Variants in RPGRIP1L observed in about 807,000 individuals in gnomAD.
The protein encoded by RPGRIP1L is RPGRIP1 like, also known as protein fantom.
In RPGRIP1L, 131 loss-of-function variants were observed where a neutral mutation model predicts 160.4. The observed-to-expected ratio is 0.82, with a 90% CI of 0.71 to 0.94. The LOEUF (loss-of-function observed/expected upper bound fraction) is 0.94. RPGRIP1L is among the 40% of genes least tolerant of loss of function. RPGRIP1L has a pLI of 0.00. For missense variants in RPGRIP1L, 1,522 were observed against 1,535.8 expected, an observed-to-expected ratio of 0.99 and a Z score of 0.15; for synonymous variants, 510 against 515.8, an observed-to-expected ratio of 0.99 and a Z score of 0.15.
chr16:53,659,237 T>C, intron 10 of RPGRIP1L: 1 of 951,188 alleles, frequency 1.1e-6, no homozygotes. Flanking sequence ...CTGAAAAGCA[T>C]GTGGAAAAAA....
intron 22 of RPGRIP1L, among the ~76,000 whole-genome samples, chr16:53,627,704 A>G (rs185618453): frequency 2.0e-5 from 3 of 152,140 alleles, no homozygotes; most frequent in African/African-American, 7.2e-5. Flanking sequence ...TTGTGGTATC[A>G]TATTCTTATT....
At position 53,628,954 on chromosome 16, in the gene RPGRIP1L, A is replaced by C. The variant is rs557516100; in HGVS notation, c.3295-6598T>G. The C allele has an allele frequency of 2.0e-5, 3 of 152,248 alleles. No homozygotes were observed. The East Asian group carries it at 5.8e-4, about 29-fold the overall frequency. The allele number at this position is 152,248 out of a possible 1,614,324, so 9.4% of individuals were successfully genotyped here. ...CAAATAATTATGCCAAATAATTATA[A>C]ATTGGTATTATTTCATCACCATAGA... On this transcript the variant is annotated intron_variant, in intron 22 of 26. Transcript: ENST00000647211.
chr16:53,609,534 T>C (rs1046194628), intron 25 of RPGRIP1L, among the ~76,000 whole-genome samples: 1 of 152,178 alleles, frequency 6.6e-6, no homozygotes, highest in South Asian at 2.1e-4. Flanking sequence ...TCTCCCAATA[T>C]GATCTCACAT....
intron 16 of RPGRIP1L, among the ~76,000 whole-genome samples, chr16:53,648,010 C>T: frequency 7.0e-6 from 1 of 143,374 alleles, no homozygotes; most frequent in Non-Finnish European, 1.5e-5. Context: ...GAGGCTGAGG[C>T]AGGAGAATGC....
At chr16:53,669,747 A>G (rs974775481) in intron 9 of RPGRIP1L, among the ~76,000 whole-genome samples, 2 of 152,154 alleles carry the variant, frequency 1.3e-5, no homozygotes, top group African/African-American at 4.8e-5. Context: ...ACATATGTAA[A>G]TCAGTAAGAA....
intron 22 of RPGRIP1L, among the ~76,000 whole-genome samples, chr16:53,634,526 G>A (rs1234772536): frequency 2.0e-5 from 3 of 152,144 alleles, no homozygotes; most frequent in Non-Finnish European, 4.4e-5. Flanking sequence ...TGGCAGTGTG[G>A]GGAGGTGGAG....
At chr16:53,702,191 T>TA (rs1971465424) in intron 1 of RPGRIP1L, among the ~76,000 whole-genome samples, 1 of 152,196 alleles carries the variant, frequency 6.6e-6, no homozygotes, top group Non-Finnish European at 1.5e-5. Flanking sequence ...GTGAGGCTGT[T>TA]ACTCAAATGA....
chr16:53,663,661 A>G (rs1967999168), intron 10 of RPGRIP1L, among the ~76,000 whole-genome samples: 1 of 152,114 alleles, frequency 6.6e-6, no homozygotes, highest in African/African-American at 2.4e-5. Flanking sequence ...ACCAGGTCAG[A>G]AAACCTGTCA....
At chr16:53,697,880 CG>C (rs2151389297) in intron 2 of RPGRIP1L, among the ~76,000 whole-genome samples, 1 of 150,434 alleles carries the variant, frequency 6.6e-6, no homozygotes, top group Admixed American at 6.6e-5. Flanking sequence ...AAGTGAGGAG[CG>C]TCTCTGCCCG....
rs1273602078 is a variant in RPGRIP1L, at chr16:53,670,962, T to C, written c.1103+548A>G. ...AATTAAAAAAATTAGTCTGACATGG[T>C]GGCATGTGCCTGTGGTCCCAGTTGC... On this transcript the variant is annotated intron_variant, in intron 9 of 26. Transcript: ENST00000647211. 3.3e-5 allele frequency among the ~76,000 whole-genome samples: 5 copies of C among 152,158 alleles called. No homozygotes were observed. In the East Asian group the frequency reaches 9.7e-4, roughly 29 times the overall value.
At chr16:53,669,469 AAC>A (rs1279501167) in intron 9 of RPGRIP1L, among the ~76,000 whole-genome samples, 1 of 152,030 alleles carries the variant, frequency 6.6e-6, no homozygotes, top group East Asian at 1.9e-4. Flanking sequence ...GAAAAAAAAA[AAC>A]CCTTCAAATT....
At position 53,700,727 on chromosome 16, in the gene RPGRIP1L, C is replaced by T; in HGVS notation, c.-4G>A. ...TCTCATCAGTTGGACCAGACATGGC[C>T]TAGCTGTGGAAAAAAGAAAATTCAA... On this transcript the variant is annotated 5_prime_UTR_variant, in exon 2 of 27. Transcript: ENST00000647211. 6.2e-7 allele frequency: 1 copy of T among 1,611,204 alleles called. No homozygotes were observed. Among genetic ancestry groups the T allele is most frequent in the South Asian group, 1.1e-5 (1 of 90,606 alleles).
chr16:53,616,770 C>T (rs758256800), intron 24 of RPGRIP1L, among the ~76,000 whole-genome samples: 59 of 151,884 alleles, frequency 3.9e-4, no homozygotes, highest in Non-Finnish European at 6.6e-4. Context: ...AGGGAAAAAA[C>T]AAACCAAAAT....
At position 53,602,447 on chromosome 16, in the gene RPGRIP1L, C is replaced by T. The variant is rs189757086; in HGVS notation, c.3836-259G>A. Among the ~76,000 whole-genome samples the T allele has an allele frequency of 3.2e-4, 49 of 152,174 alleles. No individual in the cohort carries two copies. In the East Asian group the frequency reaches 8.1e-3, roughly 25 times the overall value. ...AATCCTGAAGTTTACCTAGTGAAAG[C>T]GTCTAGGATAATGACCCTCACACAC... On this transcript the variant is annotated intron_variant, in intron 26 of 26. Coordinates refer to ENST00000647211, the MANE Select transcript of RPGRIP1L (RefSeq NM_015272.5).
At chr16:53,631,343 T>A (rs114204792) in intron 22 of RPGRIP1L, among the ~76,000 whole-genome samples, 132 of 152,294 alleles carry the variant, frequency 8.7e-4, no homozygotes, top group African/African-American at 2.9e-3. Context: ...ACACAACTGC[T>A]AGGAGTAGGA....
intron 10 of RPGRIP1L, among the ~76,000 whole-genome samples, chr16:53,662,793 A>C (rs1282957963): frequency 6.6e-6 from 1 of 152,088 alleles, no homozygotes; most frequent in Admixed American, 6.6e-5. Flanking sequence ...AGTTGCATTA[A>C]AAGTAAGGAT....
intron 6 of RPGRIP1L, among the ~76,000 whole-genome samples, chr16:53,679,257 C>T (rs894441542): frequency 4.6e-5 from 7 of 152,154 alleles, no homozygotes; most frequent in African/African-American, 1.7e-4. Flanking sequence ...CATAAAATCA[C>T]ACTCAGTGGA....
chr16:53,623,605 A>G (rs1267671928), intron 22 of RPGRIP1L, among the ~76,000 whole-genome samples: 1 of 152,210 alleles, frequency 6.6e-6, no homozygotes, highest in Non-Finnish European at 1.5e-5. Context: ...TTCCATCAGA[A>G]TTCCACTCCT....
At chr16:53,693,780 C>A (rs1345211106) in intron 3 of RPGRIP1L, 1 of 152,096 alleles carries the variant, frequency 6.6e-6, no homozygotes, top group Non-Finnish European at 1.5e-5. Context: ...AGTTTAGGGT[C>A]CTAAGCCCCA....
Sources: gnomAD v4.1 joint callset for allele counts (sites outside exome capture counted in the v4.1 genomes callset) on GRCh38, gnomAD v4.1.1 for gene constraint, MANE v1.5 for transcripts, NCBI Gene and HGNC (gene_info 2026-07-23, HGNC 2026-07-21) for gene names.